Variants in CREB5 observed in about 807,000 individuals in gnomAD.
CREB5 encodes cyclic AMP-responsive element-binding protein 5.
CREB5 carries 19 observed loss-of-function variants against 57.1 expected under a neutral mutation model. The ratio of observed to expected loss-of-function variants is 0.33; its 90% CI spans 0.23 to 0.49. CREB5 has a LOEUF of 0.49. Ranked by LOEUF, CREB5 falls within the 20% of genes least tolerant of loss-of-function variation. CREB5 has a pLI of 0.99. For missense variants in CREB5, 579 were observed against 671.6 expected, an observed-to-expected ratio of 0.86 and a Z score of 1.52; for synonymous variants, 238 against 238.3, an observed-to-expected ratio of 1.00 and a Z score of 0.01.
intron 7 of CREB5, among the ~76,000 whole-genome samples, chr7:28,776,327 G>A (rs1445608670): frequency 8.2e-6 from 1 of 122,160 alleles, no homozygotes; most frequent in Non-Finnish European, 1.7e-5. Flanking sequence ...GACAGAGCGA[G>A]ACTCTGTCTC....
intron 1 of CREB5, among the ~76,000 whole-genome samples, chr7:28,439,654 A>G (rs1399512673): frequency 6.6e-6 from 1 of 152,072 alleles, no homozygotes; most frequent in Admixed American, 6.6e-5. Context: ...GCAGTCTATC[A>G]CTCAGGACCT....
chr7:28,808,123 G>A (rs1808858948), intron 8 of CREB5, among the ~76,000 whole-genome samples: 1 of 152,146 alleles, frequency 6.6e-6, no homozygotes, highest in Non-Finnish European at 1.5e-5. Flanking sequence ...AGTGTGACAG[G>A]GCTCAGTGCT....
chr7:28,805,192 A>G (rs1167439700), intron 8 of CREB5, among the ~76,000 whole-genome samples: 1 of 152,188 alleles, frequency 6.6e-6, no homozygotes, highest in African/African-American at 2.4e-5. Context: ...GCCAAATCCC[A>G]GTGGGTGAGA....
intron 6 of CREB5, among the ~76,000 whole-genome samples, chr7:28,720,187 T>C (rs182441546): frequency 1.4e-4 from 22 of 152,364 alleles, no homozygotes; most frequent in Admixed American, 1.2e-3. Context: ...TTGGTGAAGA[T>C]GGCTGGTGTA....
intron 1 of CREB5, among the ~76,000 whole-genome samples, chr7:28,321,549 G>A (rs1332551178): frequency 6.6e-6 from 1 of 152,156 alleles, no homozygotes; most frequent in African/African-American, 2.4e-5. Context: ...GTCCCTCCTC[G>A]AAATTTGGTG....
At chr7:28,754,318 T>C (rs1402881930) in intron 7 of CREB5, among the ~76,000 whole-genome samples, 1 of 152,226 alleles carries the variant, frequency 6.6e-6, no homozygotes, top group Non-Finnish European at 1.5e-5. Context: ...TGTGTAGTGA[T>C]GGCACTGTGT....
At chr7:28,620,894 G>A (rs1310232652) in intron 5 of CREB5, among the ~76,000 whole-genome samples, 1 of 152,136 alleles carries the variant, frequency 6.6e-6, no homozygotes, top group African/African-American at 2.4e-5. Context: ...AATACTTGCT[G>A]GAATTAACAT....
intron 1 of CREB5, among the ~76,000 whole-genome samples, chr7:28,310,485 G>C (rs1785256981): frequency 6.6e-6 from 1 of 152,210 alleles, no homozygotes; most frequent in Non-Finnish European, 1.5e-5. Flanking sequence ...TCCCTCATCT[G>C]GAAGACAGAG....
chr7:28,351,290 A>G (rs1034739264), intron 1 of CREB5, among the ~76,000 whole-genome samples: 1 of 152,190 alleles, frequency 6.6e-6, no homozygotes, highest in Non-Finnish European at 1.5e-5. Flanking sequence ...TTATATGGTT[A>G]TTAATAATAG....
At chr7:28,315,109 A>G (rs1370735197) in intron 1 of CREB5, among the ~76,000 whole-genome samples, 6 of 152,148 alleles carry the variant, frequency 3.9e-5, no homozygotes, top group South Asian at 2.1e-4. Context: ...TATACAAGGT[A>G]TGGAACAGAC....
At chr7:28,742,293 G>A (rs1050735436) in intron 7 of CREB5, among the ~76,000 whole-genome samples, 9 of 151,530 alleles carry the variant, frequency 5.9e-5, no homozygotes, top group Middle Eastern at 3.5e-3. Flanking sequence ...CCGGCCGGGC[G>A]CGGTGGCTCA....
At chr7:28,760,148 C>T (rs1424141893) in intron 7 of CREB5, among the ~76,000 whole-genome samples, 1 of 152,190 alleles carries the variant, frequency 6.6e-6, no homozygotes, top group Non-Finnish European at 1.5e-5. Context: ...AGTTTTCTGG[C>T]TTGTTGATTT....
chr7:28,618,946 A>G (rs2128683627), intron 5 of CREB5, among the ~76,000 whole-genome samples: 1 of 152,374 alleles, frequency 6.6e-6, no homozygotes, highest in African/African-American at 2.4e-5. Context: ...TATGATTTAT[A>G]AAGAACTTTC....
In CREB5 at chr7:28,819,927, C is replaced by T. The variant is rs900041480; in HGVS notation, c.*648C>T. On this transcript the variant is annotated 3_prime_UTR_variant, in exon 11 of 11. Coordinates refer to ENST00000357727, the MANE Select transcript of CREB5 (RefSeq NM_182898.4). The stretch of plus-strand genomic sequence containing the variant: ...TTTCTTAGGCTCCCTATTTACTATT[C>T]ATTTTGACTTCCTTCTGTTTTATTT... 1 of 151,260 alleles carries T rather than the reference C, an allele frequency of 6.6e-6. No individual in the cohort carries two copies. The highest frequency in any genetic ancestry group is 2.4e-5 in the African/African-American group (1 of 41,178). The allele number at this position is 151,260 out of a possible 1,614,324, so 9.4% of individuals were successfully genotyped here. A position where few individuals can be genotyped will look rare whatever the true frequency, so the allele number is the denominator to read the frequency against.
chr7:28,621,269 T>C (rs1797780808), intron 5 of CREB5, among the ~76,000 whole-genome samples: 1 of 152,146 alleles, frequency 6.6e-6, no homozygotes, highest in Admixed American at 6.5e-5. Context: ...TAAAAAATTA[T>C]AGGCATGCAG....
chr7:28,721,987 T>G (rs1457572034), intron 6 of CREB5, among the ~76,000 whole-genome samples: 1 of 152,224 alleles, frequency 6.6e-6, no homozygotes, highest in East Asian at 1.9e-4. Context: ...TTCTGGGCTT[T>G]TTATTCTAAT....
rs1797189486 is a variant in CREB5 at position 28,607,617 on chromosome 7, C to G, written c.464+37080C>G. On this transcript the variant is annotated intron_variant, in intron 5 of 10. Coordinates refer to ENST00000357727, the MANE Select transcript of CREB5 (RefSeq NM_182898.4). The stretch of plus-strand genomic sequence containing the variant: ...ACACAATGCTCAGTGGTTCCAGCAC[C>G]AAACTCTGGAAGTGTAGTGCATTGG... Among the ~76,000 whole-genome samples, 3 of 152,110 alleles carry G rather than the reference C, an allele frequency of 2.0e-5. No homozygotes were observed. In the South Asian group the frequency reaches 6.2e-4, roughly 32 times the overall value.
chr7:28,434,248 A>G (rs10429238), intron 1 of CREB5, among the ~76,000 whole-genome samples: 9,540 of 152,176 alleles, frequency 0.063, 756 homozygotes, highest in East Asian at 0.29. Context: ...TGGAGATAAT[A>G]ATACCTCAAA....
intron 5 of CREB5, among the ~76,000 whole-genome samples, chr7:28,702,642 T>A (rs1362439836): frequency 2.0e-5 from 3 of 152,204 alleles, no homozygotes; most frequent in African/African-American, 7.2e-5. Context: ...CCCAAATGCA[T>A]AGCCCCTGCC....
Sources: allele counts gnomAD v4.1 joint callset (sites outside exome capture counted in the v4.1 genomes callset), GRCh38; gene constraint gnomAD v4.1.1; transcripts MANE v1.5; gene names NCBI Gene and HGNC (gene_info 2026-07-23, HGNC 2026-07-21).